The following MRPS23 variants were observed in gnomAD, a reference collection of about 807,000 sequenced individuals.
MRPS23 encodes small ribosomal subunit protein mS23.
Under a neutral mutation model 19.8 loss-of-function variants are expected in MRPS23, and 14 were observed. The ratio of observed to expected loss-of-function variants is 0.71; its 90% CI spans 0.47 to 1.11. MRPS23 has a LOEUF of 1.11. Among genes scored for constraint, MRPS23 ranks in the 50% least tolerant of loss-of-function variants. The pLI is 0.00. For synonymous variants in MRPS23, 113 were observed against 89.7 expected (o/e 1.26, Z -1.47); for missense variants, 242 against 236.7 (o/e 1.02, Z -0.15).
chr17:57,846,613 A>G (rs1265153467), intron 2 of MRPS23, among the ~76,000 whole-genome samples: 1 of 152,012 alleles, frequency 6.6e-6, no homozygotes, highest in Non-Finnish European at 1.5e-5. Flanking sequence ...CTATAACCTT[A>G]CCCCCAACCC....
rs1258009910 is a variant in MRPS23, at chr17:57,835,901, G to A, written c.*3882C>T. The A allele has an allele frequency of 6.7e-6, 1 of 149,722 alleles. No individual in the cohort carries two copies. The highest frequency in any genetic ancestry group is 1.5e-5 in the Non-Finnish European group (1 of 67,566). 9.3% of individuals were successfully genotyped at this position (149,722 alleles called of 1,614,324 possible). On this transcript the variant is annotated 3_prime_UTR_variant, in exon 5 of 5. Transcript: ENST00000313608. ...TAGGAGGGTCTGCTCCTGAAAGGCT[G>A]TTTAATGTTTCAATGGGTTAAAAGA...
At chr17:57,842,433 T>A (rs2073745107) in intron 2 of MRPS23, among the ~76,000 whole-genome samples, 1 of 152,234 alleles carries the variant, frequency 6.6e-6, no homozygotes, top group Non-Finnish European at 1.5e-5. Context: ...AGGCACTGTA[T>A]CTGAGCAGTC....
intron 2 of MRPS23, among the ~76,000 whole-genome samples, chr17:57,846,727 A>AG (rs2073778439): frequency 6.6e-6 from 1 of 152,072 alleles, no homozygotes; most frequent in Non-Finnish European, 1.5e-5. Flanking sequence ...CATGCTCGTT[A>AG]AGAGTCATCA....
In MRPS23 at chr17:57,850,017, C is replaced by T. The variant is rs1285230345; in HGVS notation, c.-7G>A. Reference sequence around the variant, plus strand: ...CCAGCCGGCTGCCTGCCATGATCTGCGCCTGGTACCGAGCGTGACTAGCTG... The same window carrying T: ...CCAGCCGGCTGCCTGCCATGATCTGTGCCTGGTACCGAGCGTGACTAGCTG... On this transcript the variant is annotated 5_prime_UTR_variant, in exon 1 of 5. Transcript: ENST00000313608. The T allele has an allele frequency of 2.5e-6, 4 of 1,591,350 alleles. No individual in the cohort carries two copies. The highest frequency in any genetic ancestry group is 1.7e-5 in the Admixed American group (1 of 58,284).
intron 2 of MRPS23, among the ~76,000 whole-genome samples, chr17:57,848,262 C>G (rs12946607): frequency 0.31 from 47,219 of 151,684 alleles, 9,299 homozygotes; most frequent in East Asian, 0.81. Flanking sequence ...TCTAAATTTT[C>G]TACAAGTAGC....
rs750665058 is a variant in MRPS23, at chr17:57,850,015, T to A, written c.-5A>T. 1.3e-6 allele frequency: 2 copies of A among 1,592,638 alleles called. No homozygotes were observed. Among genetic ancestry groups the A allele is most frequent in the Non-Finnish European group, 1.7e-6 (2 of 1,174,206 alleles). ...TTCCAGCCGGCTGCCTGCCATGATC[T>A]GCGCCTGGTACCGAGCGTGACTAGC... On this transcript the variant is annotated 5_prime_UTR_variant, in exon 1 of 5. Transcript: ENST00000313608.
chr17:57,843,261 C>T (rs2073752095), intron 2 of MRPS23, among the ~76,000 whole-genome samples: 1 of 66,658 alleles, frequency 1.5e-5, no homozygotes, highest in African/African-American at 5.6e-5. Flanking sequence ...TGGGTTAGAT[C>T]CTGCCTCAAA....
chr17:57,840,936 T>G lies in MRPS23; in HGVS notation c.410A>C (p.Glu137Ala). 6.2e-7 allele frequency: 1 copy of G among 1,614,166 alleles called. No individual in the cohort carries two copies. Among genetic ancestry groups the G allele is most frequent in the Non-Finnish European group, 8.5e-7 (1 of 1,180,028 alleles). Reference protein sequence around the residue: ...AEGVILRRVGEARTQHGGSHV... With the variant: ...AEGVILRRVGAARTQHGGSHV... ...CAATGAAATACTCACAGTCCTTGCT[T>G]CGCCTACTCGTCTTAAAATGACACC... is the stretch of plus-strand genomic sequence containing the variant. The change falls in exon 4 of 5, where the codon GAA becomes GCA. Residue 137 changes from glutamate (E) to alanine (A), a missense_variant. Transcript: ENST00000313608.
intron 2 of MRPS23, among the ~76,000 whole-genome samples, chr17:57,848,550 T>C (rs773090303): frequency 1.8e-4 from 27 of 151,928 alleles, no homozygotes; most frequent in Non-Finnish European, 2.9e-4. Context: ...AATTTTTGTA[T>C]TTTTAGTAGA....
intron 2 of MRPS23, among the ~76,000 whole-genome samples, chr17:57,841,921 T>C (rs1406808588): frequency 3.3e-5 from 5 of 152,166 alleles, no homozygotes; most frequent in Non-Finnish European, 7.3e-5. Flanking sequence ...CACTCCAACC[T>C]GGGCAACAGA....
At chr17:57,843,027 C>A (rs2073750841) in intron 2 of MRPS23, among the ~76,000 whole-genome samples, 1 of 151,410 alleles carries the variant, frequency 6.6e-6, no homozygotes, top group African/African-American at 2.4e-5. Flanking sequence ...GTAATCCCAG[C>A]ACTTTGGAAG....
intron 1 of MRPS23, 73 bp downstream of exon 1, chr17:57,849,893 AG>A: frequency 6.6e-7 from 1 of 1,519,814 alleles, no homozygotes; most frequent in Non-Finnish European, 8.8e-7. Flanking sequence ...GTCCGCTCCA[AG>A]GAAGAGCGTG....
chr17:57,849,794 A>C, intron 1 of MRPS23, 173 bp downstream of exon 1: 1 of 750,174 alleles, frequency 1.3e-6, no homozygotes, highest in African/African-American at 1.8e-5. Flanking sequence ...AGGCATCCTC[A>C]GGCACAACTA....
chr17:57,844,092 GTTTGT>G lies in MRPS23; in HGVS notation c.216-2837_216-2833del, dbSNP rs141219877. The stretch of plus-strand genomic sequence containing the variant: ...ACTTAGATTTTAATACATCTTTTTT[GTTTGT>G]TTTATTTATTTTGTTGTAAGTTCCT... On this transcript the variant is annotated intron_variant, in intron 2 of 4. Coordinates refer to ENST00000313608, the MANE Select transcript of MRPS23 (RefSeq NM_016070.4). 8.6e-3 allele frequency among the ~76,000 whole-genome samples: 1,237 copies of G among 143,572 alleles called. 23 individuals carry two copies. Among genetic ancestry groups the G allele is most frequent in the African/African-American group, 0.028 (1,102 of 39,300 alleles). 94.2% of individuals were successfully genotyped at this position (143,572 alleles called of 152,430 possible).
chr17:57,844,581 G>A (rs1484383013), intron 2 of MRPS23, among the ~76,000 whole-genome samples: 2 of 145,450 alleles, frequency 1.4e-5, no homozygotes, highest in Non-Finnish European at 3.0e-5. Context: ...CCAACATGGT[G>A]AAACCCTGTC....
At chr17:57,841,987 G>A (rs1240347835) in intron 2 of MRPS23, among the ~76,000 whole-genome samples, 7 of 151,850 alleles carry the variant, frequency 4.6e-5, no homozygotes, top group Non-Finnish European at 7.4e-5. Flanking sequence ...TAAAAACTGA[G>A]GTAAAAGTCA....
chr17:57,849,535 T>A, intron 1 of MRPS23, 125 bp from the exon 2 acceptor site: 1 of 1,129,826 alleles, frequency 8.9e-7, no homozygotes, highest in Non-Finnish European at 1.2e-6. Context: ...GGGGAAGGAC[T>A]GCTCCCCACC....
At chr17:57,840,802 A>G in intron 4 of MRPS23, 124 bp downstream of exon 4, 1 of 1,308,394 alleles carries the variant, frequency 7.6e-7, no homozygotes, top group Non-Finnish European at 1.0e-6. Context: ...AAACCACAGC[A>G]CTTTATAAAA....
chr17:57,848,170 C>T (rs1360213122), intron 2 of MRPS23, among the ~76,000 whole-genome samples: 4 of 152,100 alleles, frequency 2.6e-5, no homozygotes, highest in South Asian at 4.1e-4. Context: ...GCTATCCTCC[C>T]TTATGCCTCC....
Sources: gnomAD v4.1 joint callset for allele counts (sites outside exome capture counted in the v4.1 genomes callset) on GRCh38, gnomAD v4.1.1 for gene constraint, MANE v1.5 for transcripts, NCBI Gene and HGNC (gene_info 2026-07-23, HGNC 2026-07-21) for gene names.